The following RBFOX1 variants were observed in gnomAD, a reference collection of about 807,000 sequenced individuals.
RBFOX1 encodes RNA binding protein fox-1 homolog 1.
A neutral mutation model predicts 57.7 loss-of-function variants in RBFOX1; 8 were observed. The observed-to-expected ratio is 0.14, with a 90% CI of 0.08 to 0.25. RBFOX1 has a LOEUF of 0.25. Ranked by LOEUF, RBFOX1 falls within the 10% of genes least tolerant of loss-of-function variation. The probability of loss-of-function intolerance (pLI) is 1.00; values close to 1 mark genes in which losing one functional copy is unlikely to be tolerated. For missense variants in RBFOX1, 611 were observed against 548.5 expected, an observed-to-expected ratio of 1.11 and a Z score of -1.14; for synonymous variants, 326 against 222.4, an observed-to-expected ratio of 1.47 and a Z score of -4.15.
chr16:5,830,829 G>A (rs1203440322), intron 3 of RBFOX1, among the ~76,000 whole-genome samples: 1 of 152,106 alleles, frequency 6.6e-6, no homozygotes, highest in African/African-American at 2.4e-5. Context: ...TTCAGACTGT[G>A]TTCAGGCTGT....
At chr16:6,576,238 A>T (rs1017140594) in intron 2 of RBFOX1, among the ~76,000 whole-genome samples, 1 of 152,200 alleles carries the variant, frequency 6.6e-6, no homozygotes, top group African/African-American at 2.4e-5. Flanking sequence ...ATCTCAGGGC[A>T]CAAGGCAGGG....
intron 2 of RBFOX1, among the ~76,000 whole-genome samples, chr16:6,572,228 T>C (rs2097354707): frequency 1.3e-5 from 2 of 152,234 alleles, no homozygotes; most frequent in East Asian, 3.8e-4. Flanking sequence ...GATTTCATAA[T>C]GTATATTTTT....
intron 3 of RBFOX1, among the ~76,000 whole-genome samples, chr16:6,996,226 G>A (rs547117585): frequency 6.6e-6 from 1 of 152,280 alleles, no homozygotes; most frequent in African/African-American, 2.4e-5. Context: ...ATACAGGAAG[G>A]CTTAGTTTAG....
At chr16:7,415,962 G>A (rs1404325082) in intron 4 of RBFOX1, among the ~76,000 whole-genome samples, 1 of 152,118 alleles carries the variant, frequency 6.6e-6, no homozygotes, top group East Asian at 1.9e-4. Flanking sequence ...AAAATCAAGT[G>A]AAACTTAGGA....
chr16:6,730,313 T>A (rs2068215931), intron 3 of RBFOX1, among the ~76,000 whole-genome samples: 1 of 152,142 alleles, frequency 6.6e-6, no homozygotes, highest in African/African-American at 2.4e-5. Context: ...CCCTTGAATC[T>A]CATTCTTGCC....
At chr16:6,672,682 A>T (rs2098774204) in intron 3 of RBFOX1, among the ~76,000 whole-genome samples, 1 of 152,136 alleles carries the variant, frequency 6.6e-6, no homozygotes, top group African/African-American at 2.4e-5. Context: ...ACCCACCATG[A>T]TTCCGCTTCT....
At chr16:7,382,403 A>G (rs764907231) in intron 4 of RBFOX1, among the ~76,000 whole-genome samples, 3 of 152,366 alleles carry the variant, frequency 2.0e-5, no homozygotes, top group Admixed American at 6.5e-5. Flanking sequence ...TCTTTTCTAG[A>G]TAATCATTCA....
intron 5 of RBFOX1, among the ~76,000 whole-genome samples, chr16:7,567,779 A>G (rs2092255314): frequency 6.8e-6 from 1 of 147,918 alleles, no homozygotes; most frequent in African/African-American, 2.5e-5. Flanking sequence ...CCCTCTCTAT[A>G]TATATCCATA....
Position 5,395,440 on chromosome 16 carries a change from G to T in RBFOX1, c.220-71776G>T, listed in dbSNP as rs200705440. On this transcript the variant is annotated intron_variant, in intron 1 of 2. Transcript: ENST00000585867. Reference sequence around the variant, plus strand: ...ATAACGCAGTTGCGGGTGAGGTCATGGGCCTTTGGAGTTCTTCAGACTTGG... The same window carrying T: ...ATAACGCAGTTGCGGGTGAGGTCATTGGCCTTTGGAGTTCTTCAGACTTGG... Among the ~76,000 whole-genome samples the T allele has an allele frequency of 4.0e-5, 6 of 148,806 alleles. No individual in the cohort carries two copies. In the East Asian group the frequency reaches 1.2e-3, roughly 29 times the overall value.
intron 4 of RBFOX1, among the ~76,000 whole-genome samples, chr16:7,444,899 C>T (rs993967357): frequency 6.6e-6 from 1 of 152,188 alleles, no homozygotes; most frequent in African/African-American, 2.4e-5. Flanking sequence ...TAGACAGTTA[C>T]TACGCGTAAC....
At chr16:7,229,294 A>T (rs928110259) in intron 4 of RBFOX1, among the ~76,000 whole-genome samples, 1 of 152,152 alleles carries the variant, frequency 6.6e-6, no homozygotes, top group Non-Finnish European at 1.5e-5. Context: ...AGTTGAGGAG[A>T]CCCTGAGATG....
At chr16:5,330,262 C>T (rs2064713875) in intron 1 of RBFOX1, among the ~76,000 whole-genome samples, 1 of 152,172 alleles carries the variant, frequency 6.6e-6, no homozygotes. Flanking sequence ...CTCAGCGAAT[C>T]TAACCTTAGT....
chr16:5,344,538 C>A (rs750853307), intron 1 of RBFOX1, among the ~76,000 whole-genome samples: 4 of 152,158 alleles, frequency 2.6e-5, no homozygotes, highest in African/African-American at 4.8e-5. Context: ...GTGATACTTG[C>A]TTTCACTTTA....
At chr16:5,710,889 G>C (rs773083864) in intron 3 of RBFOX1, among the ~76,000 whole-genome samples, 2 of 152,212 alleles carry the variant, frequency 1.3e-5, no homozygotes, top group Non-Finnish European at 2.9e-5. Context: ...GGTCCTCTTT[G>C]TCTTGGTATG....
At chr16:6,440,170 C>T (rs371814827) in intron 2 of RBFOX1, among the ~76,000 whole-genome samples, 5 of 152,012 alleles carry the variant, frequency 3.3e-5, no homozygotes, top group South Asian at 2.1e-4. Flanking sequence ...CTCTTGACCT[C>T]GTGATTCGTC....
At chr16:5,719,837 C>G (rs1269849071) in intron 3 of RBFOX1, among the ~76,000 whole-genome samples, 4 of 152,110 alleles carry the variant, frequency 2.6e-5, no homozygotes, top group Admixed American at 1.3e-4. Flanking sequence ...CCGTGTTTGG[C>G]TATTATGAAT....
chr16:6,307,447 ATTAT>A (rs1181747989), intron 1 of RBFOX1, among the ~76,000 whole-genome samples: 1 of 151,600 alleles, frequency 6.6e-6, no homozygotes, highest in African/African-American at 2.4e-5. Context: ...TAAGAAATAA[ATTAT>A]TTCTTATTTA....
At chr16:7,133,225 T>A (rs1600518461) in intron 4 of RBFOX1, among the ~76,000 whole-genome samples, 1 of 152,312 alleles carries the variant, frequency 6.6e-6, no homozygotes, top group East Asian at 1.9e-4. Flanking sequence ...ATTTAAAAAA[T>A]TATTTTCAAT....
chr16:6,948,790 C>T (rs554254629), intron 3 of RBFOX1, among the ~76,000 whole-genome samples: 4 of 152,108 alleles, frequency 2.6e-5, no homozygotes, highest in Admixed American at 6.6e-5. Flanking sequence ...GAGGAAGCGT[C>T]TTTTCTGATA....
Sources: allele counts gnomAD v4.1 joint callset (sites outside exome capture counted in the v4.1 genomes callset), GRCh38; gene constraint gnomAD v4.1.1; transcripts MANE v1.5; gene names NCBI Gene and HGNC (gene_info 2026-07-23, HGNC 2026-07-21).